CYP20A1: variants seen among roughly 807,000 people sequenced by gnomAD.
The protein encoded by CYP20A1 is cytochrome P450 family 20 subfamily A member 1, also known as cytochrome P450 20A1.
In CYP20A1, 61 loss-of-function variants were observed where a neutral mutation model predicts 61.4. The ratio of observed to expected loss-of-function variants is 0.99; its 90% CI spans 0.81 to 1.23. The LOEUF is 1.23. Ranked by LOEUF, CYP20A1 falls within the 50% of genes most tolerant of loss-of-function variation. CYP20A1 has a pLI of 0.00. For synonymous variants in CYP20A1, 193 were observed against 188.2 expected (o/e 1.03, Z -0.21); for missense variants, 530 against 542.4 (o/e 0.98, Z 0.23).
intron 5 of CYP20A1, among the ~76,000 whole-genome samples, chr2:203,269,279 A>ATTTTTTTTT (rs528970568): frequency 8.0e-6 from 1 of 125,294 alleles, no homozygotes; most frequent in African/African-American, 2.9e-5. Context: ...CCTGTCTCCA[A>ATTTTTTTTT]TTTTTTTTTT....
chr2:203,277,329 C>T (rs372046826), intron 6 of CYP20A1, among the ~76,000 whole-genome samples: 2 of 143,382 alleles, frequency 1.4e-5, no homozygotes, highest in Non-Finnish European at 3.0e-5. Flanking sequence ...GCCTGGGTGA[C>T]AGAGGAACAC....
chr2:203,272,609 C>A, intron 5 of CYP20A1, 61 bp from the exon 6 acceptor site: 2 of 758,746 alleles, frequency 2.6e-6, no homozygotes, highest in Non-Finnish European at 4.1e-6. Flanking sequence ...TTACATTGCT[C>A]TGTATTATTT....
intron 4 of CYP20A1, among the ~76,000 whole-genome samples, chr2:203,261,732 C>T (rs2067145040): frequency 6.6e-6 from 1 of 151,528 alleles, no homozygotes; most frequent in Admixed American, 6.6e-5. Flanking sequence ...GGAGGAGCCA[C>T]AGCTGCTATG....
intron 8 of CYP20A1, among the ~76,000 whole-genome samples, chr2:203,282,282 C>T (rs779347291): frequency 4.6e-5 from 7 of 152,018 alleles, no homozygotes; most frequent in Non-Finnish European, 8.8e-5. Flanking sequence ...GCCTCGGCCT[C>T]CCAAGGTGCT....
At chr2:203,267,815 G>T (rs2067392081) in intron 5 of CYP20A1, among the ~76,000 whole-genome samples, 1 of 149,158 alleles carries the variant, frequency 6.7e-6, no homozygotes, top group East Asian at 2.0e-4. Flanking sequence ...TGGCACTCCA[G>T]CCTGGGCTAC....
Position 203,285,656 on chromosome 2 carries a change from C to CA in CYP20A1, c.903dup (p.Leu302IlefsTer3), listed in dbSNP as rs778884333. 11 of 1,599,364 alleles carry CA rather than the reference C, an allele frequency of 6.9e-6. No homozygotes were observed. Among genetic ancestry groups the CA allele is most frequent in the Admixed American group, 3.5e-5 (2 of 56,518 alleles). On this transcript the variant is annotated frameshift_variant, in exon 9 of 13. Coordinates refer to ENST00000356079, the MANE Select transcript of CYP20A1 (RefSeq NM_177538.3). LOFTEE classifies it high-confidence loss of function. ...TTTTTTAACCACCTCTGAAGAAGTT[C>CA]AAAAAAAATTATATGAAGAGATAAA...
intron 8 of CYP20A1, among the ~76,000 whole-genome samples, chr2:203,282,482 A>T (rs2068085152): frequency 6.6e-6 from 1 of 152,150 alleles, no homozygotes; most frequent in Admixed American, 6.6e-5. Flanking sequence ...AAATTAGTAT[A>T]AAAATAGATT....
intron 6 of CYP20A1, among the ~76,000 whole-genome samples, chr2:203,277,580 A>G (rs1374990008): frequency 1.3e-5 from 2 of 151,822 alleles, no homozygotes; most frequent in East Asian, 3.9e-4. Context: ...AAGTGGCACA[A>G]TCTTGGCTCA....
At chr2:203,248,908 G>C (rs978784983) in intron 3 of CYP20A1, among the ~76,000 whole-genome samples, 2 of 152,032 alleles carry the variant, frequency 1.3e-5, no homozygotes, top group African/African-American at 4.8e-5. Flanking sequence ...ATGAGGTCTT[G>C]CTACGTTGCC....
At chr2:203,272,879 C>T (rs1370990468) in intron 6 of CYP20A1, 131 bp downstream of exon 6, 4 of 465,926 alleles carry the variant, frequency 8.6e-6, no homozygotes, top group Admixed American at 4.4e-5. Context: ...GACAGAGTCT[C>T]GCTCTGTTGC....
intron 5 of CYP20A1, 96 bp from the exon 6 acceptor site, chr2:203,272,574 G>GA: frequency 3.3e-6 from 1 of 302,474 alleles, no homozygotes; most frequent in Non-Finnish European, 6.0e-6. Flanking sequence ...AAAAAAAAGA[G>GA]TTAAAGAGTT....
At chr2:203,280,790 TAAGTG>T (rs2068011558) in intron 8 of CYP20A1, among the ~76,000 whole-genome samples, 1 of 152,220 alleles carries the variant, frequency 6.6e-6, no homozygotes, top group Non-Finnish European at 1.5e-5. Context: ...CTGACTCACA[TAAGTG>T]CTTTTTTTCT....
At chr2:203,251,362 A>C (rs1273070959) in intron 3 of CYP20A1, among the ~76,000 whole-genome samples, 2 of 151,884 alleles carry the variant, frequency 1.3e-5, no homozygotes. Context: ...ATTTGAAGAC[A>C]TTATAGTTAT....
rs1048659417 is a variant in CYP20A1, at chr2:203,305,463, G to T, written c.*8555G>T. 1.3e-5 allele frequency: 2 copies of T among 152,004 alleles called. No individual in the cohort carries two copies. The highest frequency in any genetic ancestry group is 2.9e-5 in the Non-Finnish European group (2 of 68,040). 9.4% of individuals were successfully genotyped at this position (152,004 alleles called of 1,614,324 possible). On this transcript the variant is annotated 3_prime_UTR_variant, in exon 13 of 13. Coordinates refer to ENST00000356079, the MANE Select transcript of CYP20A1 (RefSeq NM_177538.3). ...AATCTACCTACCTCGGCCTCCCAAA[G>T]TGCTCGGATTACAGACGTGAGCCAC...
In CYP20A1 at chr2:203,304,969, ATTAC is replaced by A. The variant is rs994168235; in HGVS notation, c.*8064_*8067del. ...AAATACATGTTAAACATATACCTTT[ATTAC>A]TTCATTTTTGTAAGAGCTTCAGGGA... On this transcript the variant is annotated 3_prime_UTR_variant, in exon 13 of 13. Transcript: ENST00000356079. 6.6e-5 allele frequency among the ~76,000 whole-genome samples: 10 copies of A among 152,126 alleles called. No individual in the cohort carries two copies. Among genetic ancestry groups the A allele is most frequent in the Non-Finnish European group, 1.2e-4 (8 of 68,022 alleles).
At chr2:203,290,438 ACT>A (rs1016006810) in intron 10 of CYP20A1, among the ~76,000 whole-genome samples, 2 of 152,088 alleles carry the variant, frequency 1.3e-5, no homozygotes, top group African/African-American at 4.8e-5. Context: ...TATGTATATT[ACT>A]CTGTGTATAT....
At chr2:203,278,725 T>A (rs773512715) in intron 7 of CYP20A1, 37 bp downstream of exon 7, 7 of 1,186,362 alleles carry the variant, frequency 5.9e-6, no homozygotes, top group Non-Finnish European at 8.4e-6. Context: ...GGTAAAAAAA[T>A]AAGCCAGAGC....
intron 4 of CYP20A1, among the ~76,000 whole-genome samples, chr2:203,264,421 C>G (rs970549847): frequency 6.6e-6 from 1 of 152,014 alleles, no homozygotes; most frequent in Non-Finnish European, 1.5e-5. Context: ...ATATTTCTTG[C>G]CTTAAAGTTT....
chr2:203,241,873 G>A (rs1016723697), intron 1 of CYP20A1, among the ~76,000 whole-genome samples: 1 of 151,950 alleles, frequency 6.6e-6, no homozygotes, highest in South Asian at 2.1e-4. Context: ...ACAAAGTCTC[G>A]CTCTGTCGCC....
Sources: allele counts gnomAD v4.1 joint callset (sites outside exome capture counted in the v4.1 genomes callset), GRCh38; gene constraint gnomAD v4.1.1; transcripts MANE v1.5; gene names NCBI Gene and HGNC (gene_info 2026-07-23, HGNC 2026-07-21).